Variants in ATAD2 observed in about 807,000 individuals in gnomAD.
ATAD2 encodes ATPase family AAA domain containing 2.
ATAD2 carries 62 observed loss-of-function variants against 168.9 expected under a neutral mutation model. That is an observed-to-expected ratio of 0.37 (90% confidence interval 0.30 to 0.45). The LOEUF is 0.45. ATAD2 is among the 20% of genes least tolerant of loss of function. The probability of loss-of-function intolerance (pLI) is 1.00; values close to 1 mark genes in which losing one functional copy is unlikely to be tolerated. For synonymous variants in ATAD2, 613 were observed against 571.6 expected (o/e 1.07, Z -1.03); for missense variants, 1,419 against 1,667.8 (o/e 0.85, Z 2.60).
At chr8:123,358,549 T>C (rs1195458728) in intron 11 of ATAD2, among the ~76,000 whole-genome samples, 3 of 152,182 alleles carry the variant, frequency 2.0e-5, no homozygotes, top group East Asian at 3.9e-4. Context: ...GGTTTCACTA[T>C]GTTGGCCAGG....
At chr8:123,372,139 G>A (rs926506456) in intron 3 of ATAD2, among the ~76,000 whole-genome samples, 1 of 152,150 alleles carries the variant, frequency 6.6e-6, no homozygotes, top group Non-Finnish European at 1.5e-5. Context: ...ATCAAAAGGT[G>A]AAGAGATAAA....
chr8:123,361,500 G>A (rs749831845), intron 9 of ATAD2, 39 bp downstream of exon 9: 87 of 1,506,414 alleles, frequency 5.8e-5, no homozygotes, highest in Non-Finnish European at 7.8e-5. Flanking sequence ...TTTACAAAAT[G>A]TGTCTGCTAG....
intron 13 of ATAD2, 144 bp downstream of exon 13, chr8:123,356,245 G>A (rs1456163331): frequency 7.8e-6 from 4 of 511,432 alleles, no homozygotes; most frequent in East Asian, 3.6e-5. Context: ...TTTTATTTTT[G>A]TACTATATAC....
At chr8:123,359,364 T>C in intron 10 of ATAD2, 28 bp from the exon 11 acceptor site, 1 of 1,527,854 alleles carries the variant, frequency 6.5e-7, no homozygotes, top group Non-Finnish European at 9.0e-7. Flanking sequence ...CATGTACATT[T>C]TTAGATTTGG....
chr8:123,408,889 G>A (rs1199368064), intron 1 of ATAD2, among the ~76,000 whole-genome samples: 2 of 150,794 alleles, frequency 1.3e-5, no homozygotes, highest in African/African-American at 2.4e-5. Context: ...GTGCAGTGGC[G>A]CCATCTCAGC....
rs1827916251 is a variant in ATAD2 at position 123,336,532 on chromosome 8, C to T, written c.3052G>A (p.Val1018Ile). ...VFTKPVDPDE[V>I]PDYVTVIKQP... ...TTTATTACAGTGACATAATCAGGAA[C>T]CTAAAATTCAAGCAAATGATCAAAT... The change falls in exon 22 of 28, where the codon GTT becomes ATT. Residue 1018 changes from valine (V) to isoleucine (I), a missense_variant and splice_region_variant. Physicochemically the swap from Val to Ile is conservative, Grantham distance 29. This residue lies in a region of ATAD2 where 545 missense variants were observed against 724.9 expected (regional missense o/e 0.75). Transcript: ENST00000287394. 1 of 1,495,732 alleles carries T rather than the reference C, an allele frequency of 6.7e-7. No individual in the cohort carries two copies. Among genetic ancestry groups the T allele is most frequent in the East Asian group, 2.5e-5 (1 of 40,392 alleles). 92.7% of individuals were successfully genotyped at this position (1,495,732 alleles called of 1,614,324 possible). A position where few individuals can be genotyped will look rare whatever the true frequency, so the allele number is the denominator to read the frequency against.
chr8:123,397,344 C>G (rs1284929307), upstream of ATAD2, among the ~76,000 whole-genome samples: 3 of 151,310 alleles, frequency 2.0e-5, no homozygotes, highest in Admixed American at 1.3e-4. Context: ...TTATACGTAT[C>G]TCGGAATGTA....
chr8:123,343,612 C>T (rs1025981820), intron 19 of ATAD2, among the ~76,000 whole-genome samples: 2 of 152,074 alleles, frequency 1.3e-5, no homozygotes, highest in East Asian at 1.9e-4. Flanking sequence ...TGAAAAAAAA[C>T]CATTAAACTC....
chr8:123,394,294 A>G (rs1307514449), intron 1 of ATAD2, among the ~76,000 whole-genome samples: 1 of 152,182 alleles, frequency 6.6e-6, no homozygotes, highest in East Asian at 1.9e-4. Flanking sequence ...GGTAAACCTG[A>G]GAAGCTGAAA....
rs1236419804 is a variant in ATAD2, at chr8:123,320,912, C to T, written c.*222G>A. The stretch of plus-strand genomic sequence containing the variant: ...ACTTCAACTATTATTACTATTACTA[C>T]AGGGTCTTGTTCTAGCAAAGTTCCA... On this transcript the variant is annotated 3_prime_UTR_variant, in exon 28 of 28. Transcript: ENST00000287394. 1 of 463,618 alleles carries T rather than the reference C, an allele frequency of 2.2e-6. No homozygotes were observed. The highest frequency in any genetic ancestry group is 4.2e-5 in the Admixed American group (1 of 23,742). 28.7% of individuals were successfully genotyped at this position (463,618 alleles called of 1,614,324 possible). A position where few individuals can be genotyped will look rare whatever the true frequency, so the allele number is the denominator to read the frequency against.
chr8:123,361,391 T>C (rs1828817019), intron 9 of ATAD2, 148 bp downstream of exon 9: 2 of 526,128 alleles, frequency 3.8e-6, no homozygotes, highest in Admixed American at 5.7e-5. Flanking sequence ...TAGATAATTC[T>C]AACAAGACAG....
intron 1 of ATAD2, among the ~76,000 whole-genome samples, chr8:123,403,545 T>C (rs1813034399): frequency 6.6e-6 from 1 of 151,884 alleles, no homozygotes; most frequent in Admixed American, 6.6e-5. Flanking sequence ...CAACCAATCC[T>C]CCCACCTCAG....
upstream of ATAD2, chr8:123,401,424 G>T: frequency 1.4e-6 from 2 of 1,392,694 alleles, no homozygotes; most frequent in Non-Finnish European, 1.0e-6. Context: ...TGTATCAACT[G>T]CCATGGTGTA....
chr8:123,384,727 G>C (rs1829596066), intron 1 of ATAD2, among the ~76,000 whole-genome samples: 1 of 152,214 alleles, frequency 6.6e-6, no homozygotes. Flanking sequence ...AACCATGTGA[G>C]ATCTCCTAAA....
upstream of ATAD2, among the ~76,000 whole-genome samples, chr8:123,399,672 T>C (rs1812971954): frequency 6.6e-6 from 1 of 150,464 alleles, no homozygotes; most frequent in African/African-American, 2.5e-5. Flanking sequence ...CTGACCAACA[T>C]GGAGAAACCC....
At chr8:123,337,575 G>T (rs761513422) in intron 21 of ATAD2, 50 bp downstream of exon 21, 2 of 1,460,866 alleles carry the variant, frequency 1.4e-6, no homozygotes, top group Non-Finnish European at 1.8e-6. Context: ...TCCTTTGATT[G>T]TGAAGCATTA....
chr8:123,331,744 T>G (rs192885269), intron 24 of ATAD2, among the ~76,000 whole-genome samples: 1 of 152,320 alleles, frequency 6.6e-6, no homozygotes, highest in East Asian at 1.9e-4. Flanking sequence ...TACTCAAGAT[T>G]TTTTGTACTA....
At chr8:123,361,724 A>G in intron 8 of ATAD2, 78 bp from the exon 9 acceptor site, 2 of 1,145,138 alleles carry the variant, frequency 1.7e-6, no homozygotes, top group Non-Finnish European at 2.5e-6. Flanking sequence ...CATCAGAAAT[A>G]CCTAATGCTC....
chr8:123,335,906 G>T (rs1008279008), intron 22 of ATAD2, among the ~76,000 whole-genome samples: 1 of 152,170 alleles, frequency 6.6e-6, no homozygotes, highest in African/African-American at 2.4e-5. Flanking sequence ...TGCCTTTGGA[G>T]AAAGGAAATG....
Sources: gnomAD v4.1 joint callset for allele counts (sites outside exome capture counted in the v4.1 genomes callset) on GRCh38, gnomAD v4.1.1 for gene constraint, gnomAD v4.1.1 regional missense constraint, MANE v1.5 for transcripts, NCBI Gene and HGNC (gene_info 2026-07-23, HGNC 2026-07-21) for gene names.